LPCAT2: variants seen among roughly 807,000 people sequenced by gnomAD.
LPCAT2 encodes the protein 1-AGP acyltransferase 11.
LPCAT2 carries 58 observed loss-of-function variants against 64.7 expected under a neutral mutation model. That is an observed-to-expected ratio of 0.90 (90% confidence interval 0.73 to 1.12). LPCAT2 has a LOEUF of 1.12. Ranked by LOEUF, LPCAT2 falls within the 50% of genes most tolerant of loss-of-function variation. LPCAT2 has a pLI of 0.00. For synonymous variants in LPCAT2, 252 were observed against 245.3 expected (o/e 1.03, Z -0.26); for missense variants, 579 against 669.8 (o/e 0.86, Z 1.50).
At chr16:55,546,886 C>T (rs1173690525) in intron 9 of LPCAT2, among the ~76,000 whole-genome samples, 2 of 152,152 alleles carry the variant, frequency 1.3e-5, no homozygotes, top group Non-Finnish European at 2.9e-5. Context: ...CGGTGACTCA[C>T]ACCTGTAATC....
chr16:55,537,768 C>T, intron 8 of LPCAT2, 136 bp downstream of exon 8: 1 of 654,132 alleles, frequency 1.5e-6, no homozygotes, highest in Non-Finnish European at 2.6e-6. Flanking sequence ...CCTAGGCTGT[C>T]AGATTTAGCC....
At chr16:55,525,004 C>T (rs1963149140) in intron 1 of LPCAT2, among the ~76,000 whole-genome samples, 3 of 151,992 alleles carry the variant, frequency 2.0e-5, no homozygotes, top group South Asian at 2.1e-4. Flanking sequence ...TTTATTTTTA[C>T]TTTCTCATCT....
At position 55,528,258 on chromosome 16, in the gene LPCAT2, C is replaced by T. The variant is rs1244160246; in HGVS notation, c.312-119C>T. 6 of 716,814 alleles carry T rather than the reference C, an allele frequency of 8.4e-6. No individual in the cohort carries two copies. In the African/African-American group the frequency reaches 9.0e-5, roughly 11 times the overall value. 44.4% of individuals were successfully genotyped at this position (716,814 alleles called of 1,614,324 possible). On this transcript the variant is annotated intron_variant, in intron 2 of 13. Coordinates refer to ENST00000262134, the MANE Select transcript of LPCAT2 (RefSeq NM_017839.5). ...AAGTGTTAGCTGTTATTCTCCTCAG[C>T]TCATATTTTCATATGAAATACTCTG...
At chr16:55,514,127 C>G (rs2142387297) in intron 1 of LPCAT2, among the ~76,000 whole-genome samples, 2 of 152,024 alleles carry the variant, frequency 1.3e-5, no homozygotes, top group Middle Eastern at 6.8e-3. Context: ...AGTAGGCTAG[C>G]CAAAAACCTT....
At chr16:55,524,111 A>G (rs1963135965) in intron 1 of LPCAT2, among the ~76,000 whole-genome samples, 1 of 151,822 alleles carries the variant, frequency 6.6e-6, no homozygotes, top group South Asian at 2.1e-4. Flanking sequence ...AAACATTCAC[A>G]TAAAGGCTTG....
intron 3 of LPCAT2, among the ~76,000 whole-genome samples, chr16:55,529,289 G>C (rs1963218826): frequency 6.6e-6 from 1 of 151,902 alleles, no homozygotes. Context: ...TTGCAGCTTT[G>C]TCATTCAGCT....
chr16:55,544,543 C>T (rs1370663577), intron 8 of LPCAT2, among the ~76,000 whole-genome samples: 6 of 152,152 alleles, frequency 3.9e-5, no homozygotes, highest in African/African-American at 4.8e-5. Flanking sequence ...AATAAAATAA[C>T]GTATGTAAAA....
chr16:55,559,980 A>T (rs145443804), intron 11 of LPCAT2, among the ~76,000 whole-genome samples: 87 of 152,262 alleles, frequency 5.7e-4, no homozygotes, highest in African/African-American at 2.0e-3. Context: ...TGAGAATTAT[A>T]TGCTTTACTT....
In LPCAT2 at chr16:55,545,831, T is replaced by A; in HGVS notation, c.935+14T>A. The A allele has an allele frequency of 6.4e-7, 1 of 1,570,938 alleles. No homozygotes were observed. Among genetic ancestry groups the A allele is most frequent in the Non-Finnish European group, 8.7e-7 (1 of 1,146,602 alleles). On this transcript the variant is annotated intron_variant, in intron 9 of 13. Coordinates refer to ENST00000262134, the MANE Select transcript of LPCAT2 (RefSeq NM_017839.5). ...TTTAATGGCAGAGTAAGTGTCTATA[T>A]TTGATTATAACTCATAAATAATTTG...
chr16:55,541,917 G>T (rs1186056525), intron 8 of LPCAT2: 3 of 1,282,668 alleles, frequency 2.3e-6, no homozygotes, highest in Admixed American at 2.3e-5. Flanking sequence ...TCTCTTCGAA[G>T]ATTTAAAAGA....
intron 2 of LPCAT2, among the ~76,000 whole-genome samples, chr16:55,527,478 T>C (rs1357093567): frequency 3.3e-5 from 3 of 90,840 alleles, no homozygotes; most frequent in African/African-American, 8.8e-5. Context: ...AAACTCCATC[T>C]CAAAAAAAAA....
At chr16:55,570,899 A>T (rs1434158427) in intron 11 of LPCAT2, among the ~76,000 whole-genome samples, 1 of 152,158 alleles carries the variant, frequency 6.6e-6, no homozygotes, top group Non-Finnish European at 1.5e-5. Context: ...TTTAATAATA[A>T]TACTCCTTTG....
chr16:55,577,944 G>A (rs1435216491), intron 12 of LPCAT2, among the ~76,000 whole-genome samples: 1 of 152,072 alleles, frequency 6.6e-6, no homozygotes, highest in Admixed American at 6.6e-5. Flanking sequence ...AAAATCATCA[G>A]GATCCTCTAA....
rs536417535 is a variant in LPCAT2, at chr16:55,545,679, G to A, written c.853-56G>A. On this transcript the variant is annotated intron_variant, in intron 8 of 13. Transcript: ENST00000262134. ...GATAATGTATAAATTAATTTACTTGGCATTTAATGTCTTAGGCTTAAGACA... is the reference window on the plus strand; with the variant it reads ...GATAATGTATAAATTAATTTACTTGACATTTAATGTCTTAGGCTTAAGACA... 106 of 1,055,940 alleles carry A rather than the reference G, an allele frequency of 1.0e-4. 1 individual carries two copies. In the South Asian group the frequency reaches 1.4e-3, roughly 14 times the overall value. The allele number at this position is 1,055,940 out of a possible 1,614,324, so 65.4% of individuals were successfully genotyped here.
At chr16:55,571,479 C>A (rs919740849) in intron 11 of LPCAT2, among the ~76,000 whole-genome samples, 4 of 152,102 alleles carry the variant, frequency 2.6e-5, no homozygotes, top group African/African-American at 9.7e-5. Flanking sequence ...ATTATCTTTT[C>A]TATTTGTACT....
chr16:55,570,090 T>G (rs1360400216), intron 11 of LPCAT2, among the ~76,000 whole-genome samples: 1 of 152,200 alleles, frequency 6.6e-6, no homozygotes, highest in African/African-American at 2.4e-5. Flanking sequence ...TACATCTACA[T>G]TTTTAAATTT....
chr16:55,559,031 G>A (rs1477688600), intron 11 of LPCAT2, among the ~76,000 whole-genome samples: 1 of 152,148 alleles, frequency 6.6e-6, no homozygotes. Flanking sequence ...TCCCATAGTT[G>A]TAAGTAGTGG....
At chr16:55,541,380 T>C (rs554860478) in intron 8 of LPCAT2, 271 of 152,336 alleles carry the variant, frequency 1.8e-3, no homozygotes, top group Non-Finnish European at 2.9e-3. Flanking sequence ...TACATATCAC[T>C]TTTAAGATCT....
rs985872869 is a variant in LPCAT2 at position 55,583,321 on chromosome 16, A to G, written c.*223A>G. 2.4e-6 allele frequency: 1 copy of G among 416,716 alleles called. No homozygotes were observed. Among genetic ancestry groups the G allele is most frequent in the Non-Finnish European group, 4.3e-6 (1 of 231,660 alleles). 25.8% of individuals were successfully genotyped at this position (416,716 alleles called of 1,614,324 possible). On this transcript the variant is annotated 3_prime_UTR_variant, in exon 14 of 14. Coordinates refer to ENST00000262134, the MANE Select transcript of LPCAT2 (RefSeq NM_017839.5). ...TTTTGTGTTATATTGTACTTTACTG[A>G]TTCATTTACTGGTGATACATATGTT...
Sources: allele counts gnomAD v4.1 joint callset (sites outside exome capture counted in the v4.1 genomes callset), GRCh38; gene constraint gnomAD v4.1.1; transcripts MANE v1.5; gene names NCBI Gene and HGNC (gene_info 2026-07-23, HGNC 2026-07-21).